OTUD7A: variants seen among roughly 807,000 people sequenced by gnomAD.
OTUD7A encodes OTU domain-containing protein 7A.
A neutral mutation model predicts 65.7 loss-of-function variants in OTUD7A; 12 were observed. The ratio of observed to expected loss-of-function variants is 0.18; its 90% confidence interval spans 0.12 to 0.30. The LOEUF (loss-of-function observed/expected upper bound fraction) is 0.30. Among genes scored for constraint, OTUD7A ranks in the 10% least tolerant of loss-of-function variants. OTUD7A has a pLI of 1.00. For synonymous variants in OTUD7A, 641 were observed against 586.3 expected, an observed-to-expected ratio of 1.09 and a Z score of -1.35; for missense variants, 1,148 against 1,304.8, an observed-to-expected ratio of 0.88 and a Z score of 1.85.
intron 3 of OTUD7A, among the ~76,000 whole-genome samples, chr15:31,627,638 T>TAGTTCTAGATCCCTGAGGAATCG (rs1378955556): frequency 3.9e-5 from 6 of 152,184 alleles, no homozygotes; most frequent in Non-Finnish European, 8.8e-5. Flanking sequence ...ATGATATTTC[T>TAGTTCTAGATCCCTGAGGAATCG]AGTTCTAGAT....
intron 3 of OTUD7A, among the ~76,000 whole-genome samples, chr15:31,648,923 G>A (rs1241874721): frequency 6.6e-6 from 1 of 152,128 alleles, no homozygotes; most frequent in Non-Finnish European, 1.5e-5. Flanking sequence ...ACCACACCCA[G>A]CTAATTTTTG....
chr15:31,566,441 A>C (rs754341793), intron 4 of OTUD7A, among the ~76,000 whole-genome samples: 3 of 152,236 alleles, frequency 2.0e-5, no homozygotes, highest in Non-Finnish European at 4.4e-5. Context: ...CAAACCAATC[A>C]ATAGAAAAAT....
chr15:31,643,317 AT>A (rs1891572086), intron 3 of OTUD7A, among the ~76,000 whole-genome samples: 1 of 150,860 alleles, frequency 6.6e-6, no homozygotes, highest in Non-Finnish European at 1.5e-5. Flanking sequence ...CTTTACTTCT[AT>A]TTTTTTCTGT....
In OTUD7A at chr15:31,767,362, G is replaced by T. The variant is rs1895117855; in HGVS notation, c.-100+103145C>A. The T allele has an allele frequency of 5.1e-6, 4 of 777,384 alleles. No individual in the cohort carries two copies. In the Admixed American group the frequency reaches 6.9e-5, roughly 13 times the overall value. 48.2% of individuals were successfully genotyped at this position (777,384 alleles called of 1,614,324 possible). A position where few individuals can be genotyped will look rare whatever the true frequency, so the allele number is the denominator to read the frequency against. On this transcript the variant is annotated intron_variant, in intron 1 of 12. Transcript: ENST00000307050. ...TCAAAAGTAAGTAGAGGTTCAGGGA[G>T]ATCTAGAAAATAATCTGTGATTGTT...
At chr15:31,716,284 C>A (rs375894874) in intron 1 of OTUD7A, among the ~76,000 whole-genome samples, 1 of 63,120 alleles carries the variant, frequency 1.6e-5, no homozygotes, top group African/African-American at 3.8e-5. Flanking sequence ...ATAATACATA[C>A]TACATATTAT....
chr15:31,725,195 G>A (rs1193236971), intron 1 of OTUD7A, among the ~76,000 whole-genome samples: 3 of 152,196 alleles, frequency 2.0e-5, no homozygotes, highest in African/African-American at 7.2e-5. Context: ...GCTAAGGCCA[G>A]GAGAGTAGGA....
intron 3 of OTUD7A, among the ~76,000 whole-genome samples, chr15:31,596,104 A>G (rs1313777468): frequency 1.3e-5 from 2 of 152,060 alleles, no homozygotes; most frequent in Non-Finnish European, 2.9e-5. Context: ...TCCATCTGCA[A>G]AGTCCCTTCG....
intron 1 of OTUD7A, among the ~76,000 whole-genome samples, chr15:31,828,948 T>C (rs778381194): frequency 4.6e-5 from 7 of 152,182 alleles, no homozygotes; most frequent in Admixed American, 2.0e-4. Context: ...TGTCCATGCA[T>C]TGAACTGGCT....
intron 4 of OTUD7A, among the ~76,000 whole-genome samples, chr15:31,569,507 G>A (rs1013558026): frequency 1.3e-5 from 2 of 152,222 alleles, no homozygotes; most frequent in Admixed American, 1.3e-4. Context: ...GTTATCAGCC[G>A]TCATTACACT....
At chr15:31,743,306 T>C (rs1175523971) in intron 1 of OTUD7A, among the ~76,000 whole-genome samples, 4 of 152,056 alleles carry the variant, frequency 2.6e-5, no homozygotes, top group South Asian at 2.1e-4. Context: ...AAATGAGATA[T>C]GTAAAAAAGT....
In OTUD7A at chr15:31,560,328, C is replaced by T. The variant is rs551875341; in HGVS notation, c.332-1141G>A. The stretch of plus-strand genomic sequence containing the variant: ...CTGGATATTCTTTTGCCACAGCACT[C>T]TCAAAAATAATGCTCTCCTCTGGCT... On this transcript the variant is annotated intron_variant, in intron 4 of 12. Transcript: ENST00000307050. Among the ~76,000 whole-genome samples the T allele has an allele frequency of 1.2e-4, 19 of 152,340 alleles. No individual in the cohort carries two copies. In the East Asian group the frequency reaches 3.3e-3, roughly 26 times the overall value.
intron 1 of OTUD7A, among the ~76,000 whole-genome samples, chr15:31,678,685 A>G (rs1465672963): frequency 1.3e-5 from 2 of 152,216 alleles, no homozygotes; most frequent in African/African-American, 4.8e-5. Context: ...ACCTCTGCCT[A>G]GATTTCAGAG....
intron 1 of OTUD7A, among the ~76,000 whole-genome samples, chr15:31,781,653 C>T (rs963380429): frequency 2.0e-5 from 3 of 152,074 alleles, no homozygotes; most frequent in African/African-American, 7.3e-5. Context: ...GCATCCAGTG[C>T]CCCCTATGGC....
At chr15:31,516,405 G>A (rs1414884922) in intron 8 of OTUD7A, among the ~76,000 whole-genome samples, 3 of 152,176 alleles carry the variant, frequency 2.0e-5, no homozygotes, top group South Asian at 2.1e-4. Flanking sequence ...AGGGGGTGGC[G>A]GAGAGGATCC....
chr15:31,517,408 C>G (rs970104092), intron 8 of OTUD7A, among the ~76,000 whole-genome samples: 1 of 152,186 alleles, frequency 6.6e-6, no homozygotes, highest in Admixed American at 6.5e-5. Flanking sequence ...ACTTTTAGCC[C>G]TGAGACTTCA....
chr15:31,767,717 T>C (rs1246639857), intron 1 of OTUD7A: 3 of 715,534 alleles, frequency 4.2e-6, no homozygotes, highest in Admixed American at 2.1e-5. Flanking sequence ...TATTATTTCA[T>C]GTTTTATTTT....
intron 1 of OTUD7A, among the ~76,000 whole-genome samples, chr15:31,720,765 C>G (rs1893715460): frequency 1.3e-5 from 2 of 151,178 alleles, no homozygotes; most frequent in African/African-American, 4.9e-5. Flanking sequence ...AAGTCTACAG[C>G]AGTGTAATGT....
chr15:31,732,612 G>A (rs1185139508), intron 1 of OTUD7A, among the ~76,000 whole-genome samples: 1 of 152,164 alleles, frequency 6.6e-6, no homozygotes, highest in African/African-American at 2.4e-5. Flanking sequence ...ATTTCAACTG[G>A]GGCATACGTA....
At chr15:31,856,492 T>C (rs1430238848) in intron 1 of OTUD7A, among the ~76,000 whole-genome samples, 1 of 152,226 alleles carries the variant, frequency 6.6e-6, no homozygotes, top group East Asian at 1.9e-4. Flanking sequence ...CCTTGCTGTA[T>C]GCACAGAGAG....
Sources: gnomAD v4.1 joint callset for allele counts (sites outside exome capture counted in the v4.1 genomes callset) on GRCh38, gnomAD v4.1.1 for gene constraint, MANE v1.5 for transcripts, NCBI Gene and HGNC (gene_info 2026-07-23, HGNC 2026-07-21) for gene names.